The following PLEKHG4B variants were observed in gnomAD, a reference collection of about 807,000 sequenced individuals.
PLEKHG4B encodes the protein pleckstrin homology domain-containing family G member 4B.
Under a neutral mutation model 121.3 loss-of-function variants are expected in PLEKHG4B, and 111 were observed. The ratio of observed to expected loss-of-function variants is 0.92; its 90% confidence interval spans 0.78 to 1.07. The LOEUF is 1.07. Among genes scored for constraint, PLEKHG4B ranks in the 50% least tolerant of loss-of-function variants. The pLI is 0.00. For missense variants in PLEKHG4B, 1,831 were observed against 1,757.8 expected (o/e 1.04, Z -0.74); for synonymous variants, 738 against 725.0 (o/e 1.02, Z -0.29).
chr5:168,996 T>A, intron 13 of PLEKHG4B: 1 of 265,462 alleles, frequency 3.8e-6, no homozygotes, highest in Non-Finnish European at 7.2e-6. Context: ...CTGCCTCAGC[T>A]TCCCAAGTGG....
intron 3 of PLEKHG4B, 97 bp downstream of exon 3, chr5:140,813 C>A: frequency 1.0e-6 from 1 of 998,370 alleles, no homozygotes; most frequent in Non-Finnish European, 1.4e-6. Context: ...CCCTACAAAC[C>A]CCCACAACCT....
In PLEKHG4B at chr5:139,496, G is replaced by A; in HGVS notation, c.257G>A (p.Gly86Asp). The A allele has an allele frequency of 2.5e-6, 1 of 399,010 alleles. No individual in the cohort carries two copies. The allele number at this position is 399,010 out of a possible 1,614,324, so 24.7% of individuals were successfully genotyped here. Reference protein sequence around the residue: ...LQQEACARYRGLVFLHPGWPL... With the variant: ...LQQEACARYRDLVFLHPGWPL... ...CTCTTGTCTCAGGCCAGGTACAGGGGTCTGGTCTTCCTGCACCCAGGCTGG... is the reference window on the plus strand; with the variant it reads ...CTCTTGTCTCAGGCCAGGTACAGGGATCTGGTCTTCCTGCACCCAGGCTGG... The change falls in exon 3 of 20, where the codon GGT (glycine) becomes GAT (aspartate). Residue 86 changes from glycine (G) to aspartate (D), a missense_variant. Transcript: ENST00000637938. The surrounding 1 kb of genome is among the most constrained non-coding windows in gnomAD (Gnocchi z 5.0).
chr5:148,884 A>G (rs963208494), intron 6 of PLEKHG4B, among the ~76,000 whole-genome samples: 1 of 152,212 alleles, frequency 6.6e-6, no homozygotes, highest in African/African-American at 2.4e-5. Flanking sequence ...CGTATAGAAC[A>G]ATGGAATAGA....
intron 18 of PLEKHG4B, among the ~76,000 whole-genome samples, chr5:176,056 C>T (rs533515476): frequency 8.4e-6 from 1 of 118,398 alleles, no homozygotes; most frequent in East Asian, 2.2e-4. Flanking sequence ...ACCTCCCCAC[C>T]GGCCCCTGAA....
chr5:157,594 T>A lies in PLEKHG4B; in HGVS notation c.2487+683T>A, dbSNP rs1475330790. Among the ~76,000 whole-genome samples the A allele has an allele frequency of 6.6e-6, 1 of 152,090 alleles. No homozygotes were observed. The highest frequency in any genetic ancestry group is 1.5e-5 in the Non-Finnish European group (1 of 68,016). ...CCATATAGCAGTGGCTCTGAAATGATTGCTTAGCTCGGGGGGCACCAGCGA... is the reference window on the plus strand; with the variant it reads ...CCATATAGCAGTGGCTCTGAAATGAATGCTTAGCTCGGGGGGCACCAGCGA... On this transcript the variant is annotated intron_variant, in intron 11 of 19. Transcript: ENST00000637938. The surrounding 1 kb of genome is among the most constrained non-coding windows in gnomAD (Gnocchi z 4.6).
Position 143,516 on chromosome 5 carries a change from G to A in PLEKHG4B, c.1811+13G>A, listed in dbSNP as rs375111020. ...ATAGCATCCCCAGGTGGGACGGGGG[G>A]CAAGGCCGCACCCTGCAGACCCATG... On this transcript the variant is annotated intron_variant, in intron 5 of 19. Coordinates refer to ENST00000637938, the MANE Select transcript of PLEKHG4B (RefSeq NM_052909.5). 20 of 1,612,290 alleles carry A rather than the reference G, an allele frequency of 1.2e-5. No individual in the cohort carries two copies. The highest frequency in any genetic ancestry group is 1.4e-5 in the Non-Finnish European group (17 of 1,179,810).
chr5:146,775 G>A (rs1270705394), intron 6 of PLEKHG4B, among the ~76,000 whole-genome samples: 1 of 146,916 alleles, frequency 6.8e-6, no homozygotes, highest in Non-Finnish European at 1.5e-5. Flanking sequence ...CCACCCTGCT[G>A]CCACCACTTC....
Position 162,481 on chromosome 5 carries a change from C to G in PLEKHG4B, c.2650-241C>G, listed in dbSNP as rs1736048485. On this transcript the variant is annotated intron_variant, in intron 12 of 19. Transcript: ENST00000637938. ...GATCTACACAATGTCTTCACGTGGT[C>G]CTAGGACATCCCCCACGGTGCCCTC... Among the ~76,000 whole-genome samples the G allele has an allele frequency of 2.0e-5, 3 of 152,348 alleles. No individual in the cohort carries two copies. In the South Asian group the frequency reaches 6.2e-4, roughly 32 times the overall value.
intron 1 of PLEKHG4B, among the ~76,000 whole-genome samples, chr5:108,903 G>A (rs557701901): frequency 3.9e-5 from 6 of 152,326 alleles, no homozygotes; most frequent in African/African-American, 1.4e-4. Flanking sequence ...AGATGGGCAC[G>A]GGTACCTGGG....
At position 156,986 on chromosome 5, in the gene PLEKHG4B, T is replaced by A; in HGVS notation, c.2487+75T>A. 2 of 1,555,306 alleles carry A rather than the reference T, an allele frequency of 1.3e-6. No homozygotes were observed. The highest frequency in any genetic ancestry group is 1.8e-6 in the Non-Finnish European group (2 of 1,142,292). ...GGCTGGCCAAGGCAACCCTCTCACC[T>A]TCACACTGTGTCTTTAGGGCCTTGA... On this transcript the variant is annotated intron_variant, in intron 11 of 19. Transcript: ENST00000637938. The surrounding 1 kb of genome is among the most constrained non-coding windows in gnomAD (Gnocchi z 4.4).
At chr5:177,664 C>T (rs1003121232) in intron 18 of PLEKHG4B, among the ~76,000 whole-genome samples, 3 of 152,166 alleles carry the variant, frequency 2.0e-5, no homozygotes, top group Non-Finnish European at 4.4e-5. Flanking sequence ...GCTTTTAGAG[C>T]GGGAAAGAAA....
chr5:143,139 C>T lies in PLEKHG4B; in HGVS notation c.1570C>T (p.Pro524Ser). ...GCCTTCCGATGTGCCTGCCCGGCAGCCACACCCCGAGCAAGAAGGGTGGCC... is the reference window on the plus strand; with the variant it reads ...GCCTTCCGATGTGCCTGCCCGGCAGTCACACCCCGAGCAAGAAGGGTGGCC... ...SGPSDVPARQPHPEQEGWPPG... is the reference protein window; with the variant it reads ...SGPSDVPARQSHPEQEGWPPG... Residue 524 changes from proline (P) to serine (S), a missense_variant, in exon 4 of 20, where the codon CCA (proline) becomes TCA (serine). Physicochemically the swap from Pro to Ser is moderately conservative, Grantham distance 74 (BLOSUM62 -1). Transcript: ENST00000637938. 1.2e-6 allele frequency: 2 copies of T among 1,612,674 alleles called. No homozygotes were observed. Among genetic ancestry groups the T allele is most frequent in the Non-Finnish European group, 1.7e-6 (2 of 1,180,000 alleles).
chr5:181,442 G>T (rs1045319458), intron 18 of PLEKHG4B, 72 bp from the exon 19 acceptor site: 5 of 1,499,100 alleles, frequency 3.3e-6, no homozygotes, highest in Middle Eastern at 2.1e-4. Flanking sequence ...GGCATTAGGG[G>T]TACCGGGCGT....
Position 163,175 on chromosome 5 carries a change from G to A in PLEKHG4B, c.3103G>A (p.Asp1035Asn). 6.4e-7 allele frequency: 1 copy of A among 1,572,866 alleles called. No individual in the cohort carries two copies. Among genetic ancestry groups the A allele is most frequent in the Non-Finnish European group, 8.6e-7 (1 of 1,160,574 alleles). The change falls in exon 13 of 20, where the codon GAC (aspartate) becomes AAC (asparagine). Residue 1035 changes from aspartate to asparagine, a missense_variant. Transcript: ENST00000637938. ...GCGCCCAGGGCTGTGTGCTCTGTGGGACCCACTGTCCCTCCTCAGGGGCCT... is the reference window on the plus strand; with the variant it reads ...GCGCCCAGGGCTGTGTGCTCTGTGGAACCCACTGTCCCTCCTCAGGGGCCT... The part of the protein sequence containing the change: ...TLRPGLCALW[D>N]PLSLLRGLPG...
intron 1 of PLEKHG4B, among the ~76,000 whole-genome samples, chr5:98,857 CAA>C (rs34374815): frequency 6.0e-4 from 26 of 43,688 alleles, no homozygotes; most frequent in South Asian, 1.5e-3. Flanking sequence ...TTTTTTTTTT[CAA>C]AAAAAATTTT....
At chr5:144,404 T>A (rs1735334461) in intron 5 of PLEKHG4B, among the ~76,000 whole-genome samples, 1 of 152,338 alleles carries the variant, frequency 6.6e-6, no homozygotes, top group South Asian at 2.1e-4. Context: ...CCCTCCTGAC[T>A]GATCTCAAGC....
chr5:122,181 A>G (rs1734488323), intron 2 of PLEKHG4B, among the ~76,000 whole-genome samples: 1 of 152,332 alleles, frequency 6.6e-6, no homozygotes, highest in Middle Eastern at 3.4e-3. Context: ...AATATTCAAG[A>G]GATAAAATGG....
In PLEKHG4B at chr5:176,222, G is replaced by A. The variant is rs1349202002; in HGVS notation, c.4402+2124G>A. Among the ~76,000 whole-genome samples the A allele has an allele frequency of 1.1e-4, 9 of 79,428 alleles. 2 individuals carry two copies. The highest frequency in any genetic ancestry group is 3.0e-4 in the African/African-American group (9 of 30,166). 52.1% of individuals were successfully genotyped at this position (79,428 alleles called of 152,430 possible). A position where few individuals can be genotyped will look rare whatever the true frequency, so the allele number is the denominator to read the frequency against. On this transcript the variant is annotated intron_variant, in intron 18 of 19. Coordinates refer to ENST00000637938, the MANE Select transcript of PLEKHG4B (RefSeq NM_052909.5). ...TTACTTGGCCAGAGGCCTCACCTCC[G>A]AGATGCCACCATCCTGAAGAGCCTT... is the stretch of plus-strand genomic sequence containing the variant.
intron 13 of PLEKHG4B, among the ~76,000 whole-genome samples, chr5:167,698 C>T (rs573644227): frequency 7.8e-4 from 119 of 152,326 alleles, no homozygotes; most frequent in African/African-American, 2.8e-3. Context: ...AGAGTCCCGC[C>T]GCCCAGGCCA....
Sources: gnomAD v4.1 joint callset for allele counts (sites outside exome capture counted in the v4.1 genomes callset) on GRCh38, gnomAD v4.1.1 for gene constraint, Gnocchi (gnomAD v3.1) non-coding constraint, MANE v1.5 for transcripts, NCBI Gene and HGNC (gene_info 2026-07-23, HGNC 2026-07-21) for gene names.